KCNIP4: variants seen among roughly 807,000 people sequenced by gnomAD.
KCNIP4 encodes the protein potassium voltage-gated channel interacting protein 4, also known as Kv channel-interacting protein 4.
Under a neutral mutation model 34.0 loss-of-function variants are expected in KCNIP4, and 12 were observed. The ratio of observed to expected loss-of-function variants is 0.35; its 90% CI spans 0.23 to 0.57. The LOEUF is 0.57. Among genes scored for constraint, KCNIP4 ranks in the 20% least tolerant of loss-of-function variants. The probability of loss-of-function intolerance (pLI) is 0.83; values close to 1 mark genes in which losing one functional copy is unlikely to be tolerated. For synonymous variants in KCNIP4, 124 were observed against 102.2 expected (o/e 1.21, Z -1.29); for missense variants, 238 against 311.7 (o/e 0.76, Z 1.78).
intron 1 of KCNIP4, among the ~76,000 whole-genome samples, chr4:21,174,270 A>G (rs1019836060): frequency 2.0e-5 from 3 of 152,152 alleles, no homozygotes; most frequent in African/African-American, 7.2e-5. Context: ...GCTTTATGAA[A>G]CTTCTGAGAA....
At chr4:21,136,147 G>T (rs1367850550) in intron 1 of KCNIP4, among the ~76,000 whole-genome samples, 1 of 152,176 alleles carries the variant, frequency 6.6e-6, no homozygotes, top group African/African-American at 2.4e-5. Flanking sequence ...TCTGAGCCTT[G>T]AAATGTTTCC....
intron 1 of KCNIP4, among the ~76,000 whole-genome samples, chr4:21,725,042 C>T (rs554824846): frequency 6.6e-6 from 1 of 152,244 alleles, no homozygotes; most frequent in African/African-American, 2.4e-5. Context: ...TTCCATCTCT[C>T]TATTTAATCA....
chr4:21,668,001 T>C (rs938424359), intron 1 of KCNIP4, among the ~76,000 whole-genome samples: 1 of 152,146 alleles, frequency 6.6e-6, no homozygotes, highest in Non-Finnish European at 1.5e-5. Flanking sequence ...AATAATAGAC[T>C]GGATAAAGAA....
At chr4:21,261,102 T>A (rs1336926939) in intron 1 of KCNIP4, among the ~76,000 whole-genome samples, 2 of 152,168 alleles carry the variant, frequency 1.3e-5, no homozygotes, top group African/African-American at 2.4e-5. Context: ...GTGTCTAATA[T>A]TGTCTGCTCT....
chr4:20,942,361 C>G (rs1172404830), intron 1 of KCNIP4, among the ~76,000 whole-genome samples: 3 of 152,228 alleles, frequency 2.0e-5, no homozygotes, highest in Non-Finnish European at 2.9e-5. Flanking sequence ...CCAGGTCTCT[C>G]AGCTAGTAAA....
chr4:21,136,647 C>T (rs1445282005), intron 1 of KCNIP4, among the ~76,000 whole-genome samples: 1 of 152,116 alleles, frequency 6.6e-6, no homozygotes, highest in Non-Finnish European at 1.5e-5. Context: ...CAGGTTTAGA[C>T]ATGTCTATAT....
intron 1 of KCNIP4, among the ~76,000 whole-genome samples, chr4:21,667,813 C>A (rs7679675): frequency 0.77 from 117,111 of 152,168 alleles, 45,683 homozygotes; most frequent in East Asian, 0.99. Context: ...TCACATTGGA[C>A]ATTGATGGAA....
intron 1 of KCNIP4, among the ~76,000 whole-genome samples, chr4:21,923,909 C>G (rs908925032): frequency 6.6e-6 from 1 of 152,116 alleles, no homozygotes; most frequent in Non-Finnish European, 1.5e-5. Context: ...GTGGTGTCAC[C>G]AGAGGAAGTG....
At chr4:21,702,514 C>G (rs919757877) in intron 1 of KCNIP4, among the ~76,000 whole-genome samples, 1 of 151,962 alleles carries the variant, frequency 6.6e-6, no homozygotes, top group African/African-American at 2.4e-5. Context: ...GGAAAAATTC[C>G]TTAAAAAATA....
intron 1 of KCNIP4, among the ~76,000 whole-genome samples, chr4:21,666,623 T>C (rs910858292): frequency 6.6e-6 from 1 of 152,218 alleles, no homozygotes; most frequent in Admixed American, 6.5e-5. Flanking sequence ...GGAGATGATA[T>C]CTTATAAAGA....
chr4:21,497,133 T>C (rs1577465443), intron 1 of KCNIP4, among the ~76,000 whole-genome samples: 1 of 152,142 alleles, frequency 6.6e-6, no homozygotes, highest in African/African-American at 2.4e-5. Flanking sequence ...CTGTAAAACA[T>C]AGACATGAGA....
intron 1 of KCNIP4, among the ~76,000 whole-genome samples, chr4:21,484,441 T>A (rs980005474): frequency 1.5e-5 from 2 of 136,672 alleles, no homozygotes; most frequent in African/African-American, 2.6e-5. Context: ...AAAAAAAAAA[T>A]TAAAAGATAG....
chr4:21,236,694 G>A (rs1450293661), intron 1 of KCNIP4, among the ~76,000 whole-genome samples: 3 of 151,848 alleles, frequency 2.0e-5, no homozygotes, highest in Non-Finnish European at 4.4e-5. Flanking sequence ...TTAATAAATG[G>A]TCACTTCAGC....
chr4:21,176,491 T>C (rs1294212364), intron 1 of KCNIP4, among the ~76,000 whole-genome samples: 1 of 152,208 alleles, frequency 6.6e-6, no homozygotes, highest in African/African-American at 2.4e-5. Context: ...TTCTAACATT[T>C]ATATGGCCTG....
intron 3 of KCNIP4, among the ~76,000 whole-genome samples, chr4:20,850,032 C>T (rs1296657016): frequency 6.6e-6 from 1 of 152,230 alleles, no homozygotes; most frequent in Middle Eastern, 3.2e-3. Flanking sequence ...GAGGGAGGGT[C>T]ATCTGCACAC....
intron 1 of KCNIP4, among the ~76,000 whole-genome samples, chr4:21,564,687 C>T (rs1739706463): frequency 6.6e-6 from 1 of 151,996 alleles, no homozygotes; most frequent in African/African-American, 2.4e-5. Context: ...GTTAATTTGG[C>T]TCACCCTCCC....
At chr4:21,476,854 CT>C (rs1161961729) in intron 1 of KCNIP4, among the ~76,000 whole-genome samples, 1 of 152,096 alleles carries the variant, frequency 6.6e-6, no homozygotes, top group Non-Finnish European at 1.5e-5. Flanking sequence ...ATGTAGAGCA[CT>C]GTCTTCTTTG....
intron 1 of KCNIP4, among the ~76,000 whole-genome samples, chr4:21,722,293 T>C (rs939136070): frequency 5.9e-5 from 9 of 152,074 alleles, no homozygotes; most frequent in Admixed American, 4.6e-4. Context: ...TATGCAGGGC[T>C]GTTATAGCCA....
chr4:20,914,347 G>A (rs1242260628), intron 1 of KCNIP4, among the ~76,000 whole-genome samples: 1 of 152,060 alleles, frequency 6.6e-6, no homozygotes, highest in African/African-American at 2.4e-5. Flanking sequence ...TAGGTGATTA[G>A]GTCATGAGGA....
Sources: allele counts gnomAD v4.1 joint callset (sites outside exome capture counted in the v4.1 genomes callset), GRCh38; gene constraint gnomAD v4.1.1; transcripts MANE v1.5; gene names NCBI Gene and HGNC (gene_info 2026-07-23, HGNC 2026-07-21).